DSCAML1: variants seen among roughly 807,000 people sequenced by gnomAD.
DSCAML1 encodes DS cell adhesion molecule like 1, also known as cell adhesion molecule DSCAML1.
A neutral mutation model predicts 200.5 loss-of-function variants in DSCAML1; 38 were observed. The ratio of observed to expected loss-of-function variants is 0.19; its 90% CI spans 0.15 to 0.25. The LOEUF (loss-of-function observed/expected upper bound fraction) is 0.25, where lower values mean the gene tolerates loss of function less well. Among genes scored for constraint, DSCAML1 ranks in the 10% least tolerant of loss-of-function variants. DSCAML1 has a pLI of 1.00. For synonymous variants in DSCAML1, 1,215 were observed against 1,165.0 expected, an observed-to-expected ratio of 1.04 and a Z score of -0.87; for missense variants, 2,223 against 2,858.8, an observed-to-expected ratio of 0.78 and a Z score of 5.07.
In DSCAML1 at chr11:117,569,025, T is replaced by C. The variant is rs368666517; in HGVS notation, c.512-36503A>G. ...TGGTACTGGTACCAAAACAGAGATA[T>C]AGATCAATGGAACAGAACAGAGCCC... On this transcript the variant is annotated intron_variant, in intron 3 of 32. Coordinates refer to ENST00000651296, the MANE Select transcript of DSCAML1 (RefSeq NM_020693.4). 4.7e-3 allele frequency among the ~76,000 whole-genome samples: 719 copies of C among 152,208 alleles called. 8 individuals are homozygous for C. The East Asian group carries it at 0.049, about 10-fold the overall frequency.
At chr11:117,495,798 C>T (rs73008407) in intron 11 of DSCAML1, among the ~76,000 whole-genome samples, 3,059 of 152,314 alleles carry the variant, frequency 0.02, 71 homozygotes, top group East Asian at 0.095. Flanking sequence ...GCTCCTCTGT[C>T]CCATTCATCA....
intron 3 of DSCAML1, among the ~76,000 whole-genome samples, chr11:117,687,726 C>T (rs982280766): frequency 2.0e-5 from 3 of 152,168 alleles, no homozygotes; most frequent in Admixed American, 6.5e-5. Flanking sequence ...GAAATCAGAG[C>T]TTAGAAGTGT....
chr11:117,714,826 G>GGGAAAA (rs10684152), intron 3 of DSCAML1, among the ~76,000 whole-genome samples: 3 of 115,558 alleles, frequency 2.6e-5, no homozygotes, highest in East Asian at 2.4e-4. Context: ...TCATCTTGAG[G>GGGAAAA]AAAAAAAAAA....
chr11:117,759,795 C>A (rs1397982828), intron 3 of DSCAML1, among the ~76,000 whole-genome samples: 1 of 152,154 alleles, frequency 6.6e-6, no homozygotes, highest in Non-Finnish European at 1.5e-5. Context: ...TTTCAGTGGC[C>A]TCATGCTGAG....
chr11:117,788,484 G>A (rs757077244), intron 1 of DSCAML1, among the ~76,000 whole-genome samples: 2 of 152,070 alleles, frequency 1.3e-5, no homozygotes, highest in African/African-American at 4.8e-5. Context: ...GCACCACCAC[G>A]CCTGGCTAAT....
chr11:117,545,444 G>T (rs1482331377), intron 3 of DSCAML1, among the ~76,000 whole-genome samples: 1 of 152,196 alleles, frequency 6.6e-6, no homozygotes, highest in African/African-American at 2.4e-5. Context: ...CTGTGGTATT[G>T]TGTTATGGCA....
intron 3 of DSCAML1, among the ~76,000 whole-genome samples, chr11:117,711,960 G>A (rs1483799410): frequency 2.6e-5 from 4 of 152,142 alleles, no homozygotes; most frequent in African/African-American, 7.2e-5. Context: ...GCTGAAGATG[G>A]CAACTATTAT....
At chr11:117,756,600 T>C (rs1251455708) in intron 3 of DSCAML1, among the ~76,000 whole-genome samples, 1 of 152,108 alleles carries the variant, frequency 6.6e-6, no homozygotes, top group Non-Finnish European at 1.5e-5. Context: ...CCTATTGCTA[T>C]CTGGGTTGTA....
At position 117,613,857 on chromosome 11, in the gene DSCAML1, T is replaced by A. The variant is rs1236111801; in HGVS notation, c.512-81335A>T. Among the ~76,000 whole-genome samples the A allele has an allele frequency of 2.0e-5, 3 of 152,134 alleles. No individual in the cohort carries two copies. The East Asian group carries it at 5.8e-4, about 29-fold the overall frequency. On this transcript the variant is annotated intron_variant, in intron 3 of 32. Coordinates refer to ENST00000651296, the MANE Select transcript of DSCAML1 (RefSeq NM_020693.4). Reference sequence around the variant, plus strand: ...CAGACCCCTGCAGAGCTCAGAGGTCTTGGCTGCAAGCAGCCTCCCAGCCAC... The same window carrying A: ...CAGACCCCTGCAGAGCTCAGAGGTCATGGCTGCAAGCAGCCTCCCAGCCAC...
chr11:117,738,663 C>A (rs1372251862), intron 3 of DSCAML1, among the ~76,000 whole-genome samples: 1 of 152,178 alleles, frequency 6.6e-6, no homozygotes, highest in Non-Finnish European at 1.5e-5. Context: ...CTTCCTTGGT[C>A]TGAAAGGATT....
chr11:117,764,195 A>G (rs1008497974), intron 3 of DSCAML1, among the ~76,000 whole-genome samples: 1 of 152,084 alleles, frequency 6.6e-6, no homozygotes, highest in African/African-American at 2.4e-5. Context: ...TAAAATTCAA[A>G]ACACCAAGGC....
rs376896862 is a variant in DSCAML1 at position 117,630,656 on chromosome 11, G to GC, written c.512-98135dup. Among the ~76,000 whole-genome samples, 74 of 27,556 alleles carry GC rather than the reference G, an allele frequency of 2.7e-3. 2 individuals are homozygous for GC. Among genetic ancestry groups the GC allele is most frequent in the African/African-American group, 8.6e-3 (66 of 7,684 alleles). The allele number at this position is 27,556 out of a possible 152,430, so 18.1% of individuals were successfully genotyped here. A position where few individuals can be genotyped will look rare whatever the true frequency, so the allele number is the denominator to read the frequency against. ...GATTTGGAAACTGAGGCATAAAGTG[G>GC]CCAAAAAAAAAAAAAAAAAAAAAAA... On this transcript the variant is annotated intron_variant, in intron 3 of 32. Transcript: ENST00000651296.
At chr11:117,744,826 G>C (rs2137850055) in intron 3 of DSCAML1, among the ~76,000 whole-genome samples, 1 of 152,370 alleles carries the variant, frequency 6.6e-6, no homozygotes, top group East Asian at 1.9e-4. Context: ...CAAAACTACA[G>C]GCAAAGGGGA....
chr11:117,645,713 AC>A (rs2052507513), intron 3 of DSCAML1, among the ~76,000 whole-genome samples: 1 of 135,656 alleles, frequency 7.4e-6, no homozygotes, highest in Non-Finnish European at 1.5e-5. Flanking sequence ...GAACACATGG[AC>A]ACAGGAAGGG....
chr11:117,452,746 T>A (rs1160259846), intron 19 of DSCAML1, among the ~76,000 whole-genome samples: 1 of 152,186 alleles, frequency 6.6e-6, no homozygotes, highest in Non-Finnish European at 1.5e-5. Context: ...TTTTCCTCCC[T>A]CTATTAGCTT....
rs778259820 is a variant in DSCAML1, at chr11:117,516,620, G to A, written c.1630C>T (p.Leu544=). The A allele has an allele frequency of 6.2e-7, 1 of 1,614,082 alleles. No individual in the cohort carries two copies. Among genetic ancestry groups the A allele is most frequent in the Non-Finnish European group, 8.5e-7 (1 of 1,180,026 alleles). ...YSIKWYKDAL[L]LPDNHRQVVF... is the part of the protein sequence containing the mutation. Reference sequence around the variant, plus strand: ...ACCTGGCGGTGGTTGTCTGGCAGCAGCAGGGCATCCTTGTACCACTTGATG... The same window carrying A: ...ACCTGGCGGTGGTTGTCTGGCAGCAACAGGGCATCCTTGTACCACTTGATG... The change falls in exon 8 of 33, where the codon CTG becomes TTG. Residue 544 remains leucine, a synonymous_variant. Coordinates refer to ENST00000651296, the MANE Select transcript of DSCAML1 (RefSeq NM_020693.4). This position sits in a 1 kb window ranked among gnomAD's most constrained non-coding sequence, Gnocchi z 5.7.
At chr11:117,542,286 C>T (rs1231365184) in intron 3 of DSCAML1, among the ~76,000 whole-genome samples, 1 of 140,122 alleles carries the variant, frequency 7.1e-6, no homozygotes, top group Non-Finnish European at 1.5e-5. Context: ...CAGAGTGAGA[C>T]TCCCTATCAA....
At chr11:117,572,654 G>T (rs2050866320) in intron 3 of DSCAML1, among the ~76,000 whole-genome samples, 1 of 152,320 alleles carries the variant, frequency 6.6e-6, no homozygotes, top group East Asian at 1.9e-4. Context: ...CCAACATCCG[G>T]TAGGGGATTG....
rs1373293997 is a variant in DSCAML1, at chr11:117,718,672, C to A, written c.511+58119G>T. On this transcript the variant is annotated intron_variant, in intron 3 of 32. Coordinates refer to ENST00000651296, the MANE Select transcript of DSCAML1 (RefSeq NM_020693.4). ...CACACAAGATGAATACTCAAAACCCCCCCCCCCCCCCATCATATGAGACCT... is the reference window on the plus strand; with the variant it reads ...CACACAAGATGAATACTCAAAACCCACCCCCCCCCCCATCATATGAGACCT... 2.5e-4 allele frequency among the ~76,000 whole-genome samples: 15 copies of A among 59,830 alleles called. 4 individuals carry two copies. Among genetic ancestry groups the A allele is most frequent in the African/African-American group, 3.7e-4 (6 of 16,438 alleles). The allele number at this position is 59,830 out of a possible 152,430, so 39.3% of individuals were successfully genotyped here.
Sources: gnomAD v4.1 joint callset for allele counts (sites outside exome capture counted in the v4.1 genomes callset) on GRCh38, gnomAD v4.1.1 for gene constraint, Gnocchi (gnomAD v3.1) non-coding constraint, MANE v1.5 for transcripts, NCBI Gene and HGNC (gene_info 2026-07-23, HGNC 2026-07-21) for gene names.